VAV3: variants seen among roughly 807,000 people sequenced by gnomAD.
VAV3 encodes the protein guanine nucleotide exchange factor VAV3.
Under a neutral mutation model 131.2 loss-of-function variants are expected in VAV3, and 94 were observed. That is an observed-to-expected ratio of 0.72 (90% CI 0.61 to 0.85). The LOEUF is 0.85. Ranked by LOEUF, VAV3 falls within the 40% of genes least tolerant of loss-of-function variation. The pLI, the probability that VAV3 is intolerant of heterozygous loss-of-function variation, is 0.00. For missense variants in VAV3, 939 were observed against 1,002.7 expected, an observed-to-expected ratio of 0.94 and a Z score of 0.86; for synonymous variants, 349 against 342.0, an observed-to-expected ratio of 1.02 and a Z score of -0.22.
chr1:107,733,908 T>A (rs923727509), intron 15 of VAV3, among the ~76,000 whole-genome samples: 1 of 151,930 alleles, frequency 6.6e-6, no homozygotes, highest in Non-Finnish European at 1.5e-5. Context: ...AACACCAATG[T>A]CAGATTCACT....
chr1:107,696,765 T>C (rs1378350412), intron 17 of VAV3, among the ~76,000 whole-genome samples: 4 of 152,174 alleles, frequency 2.6e-5, no homozygotes, highest in Admixed American at 2.6e-4. Flanking sequence ...AAAGTCAAGT[T>C]CTGCTGAAAT....
chr1:107,631,901 A>G (rs1654521062), intron 20 of VAV3, among the ~76,000 whole-genome samples: 1 of 151,848 alleles, frequency 6.6e-6, no homozygotes, highest in African/African-American at 2.4e-5. Context: ...GGTTGGTTCC[A>G]AGTCTTTGCT....
intron 19 of VAV3, among the ~76,000 whole-genome samples, chr1:107,662,367 CTGCTCAG>C (rs1657083999): frequency 6.6e-6 from 1 of 152,128 alleles, no homozygotes; most frequent in South Asian, 2.1e-4. Context: ...AATTTTTACT[CTGCTCAG>C]TTTGGATTTT....
At chr1:107,581,161 C>A (rs1298120082) in intron 25 of VAV3, among the ~76,000 whole-genome samples, 1 of 152,156 alleles carries the variant, frequency 6.6e-6, no homozygotes, top group East Asian at 1.9e-4. Context: ...ATACTGCGAC[C>A]TTTTTCAATA....
At chr1:107,810,311 C>T (rs1419676545) in intron 2 of VAV3, among the ~76,000 whole-genome samples, 1 of 152,014 alleles carries the variant, frequency 6.6e-6, no homozygotes, top group Non-Finnish European at 1.5e-5. Flanking sequence ...CCACAGAAGA[C>T]CACAAGGCAA....
At chr1:107,623,323 C>T (rs1345588578) in intron 20 of VAV3, among the ~76,000 whole-genome samples, 2 of 152,158 alleles carry the variant, frequency 1.3e-5, no homozygotes, top group African/African-American at 4.8e-5. Flanking sequence ...ATGCTAAATA[C>T]TTGTTTTATT....
intron 22 of VAV3, among the ~76,000 whole-genome samples, chr1:107,603,772 GC>G (rs1652049606): frequency 6.6e-6 from 1 of 150,906 alleles, no homozygotes; most frequent in African/African-American, 2.4e-5. Flanking sequence ...ATACAGGCAA[GC>G]CCAAAGCAAT....
intron 1 of VAV3, among the ~76,000 whole-genome samples, chr1:107,929,283 G>C (rs1279441269): frequency 2.1e-5 from 1 of 47,798 alleles, no homozygotes; most frequent in African/African-American, 7.2e-5. Flanking sequence ...GTGACACTCT[G>C]TCTCAAAAAA....
chr1:107,856,810 G>A (rs779286285), intron 2 of VAV3, among the ~76,000 whole-genome samples: 9 of 151,956 alleles, frequency 5.9e-5, no homozygotes, highest in Non-Finnish European at 1.3e-4. Flanking sequence ...GCGGAGGCTG[G>A]AGGATCACTT....
chr1:107,690,153 T>G (rs1659327678), intron 17 of VAV3, among the ~76,000 whole-genome samples: 1 of 152,216 alleles, frequency 6.6e-6, no homozygotes, highest in African/African-American at 2.4e-5. Flanking sequence ...AATAATTATT[T>G]TTTTCTGATT....
intron 15 of VAV3, among the ~76,000 whole-genome samples, chr1:107,719,041 T>C (rs1038617839): frequency 6.6e-6 from 1 of 152,216 alleles, no homozygotes; most frequent in African/African-American, 2.4e-5. Flanking sequence ...CCTTACACCT[T>C]ATACAAACAT....
intron 20 of VAV3, among the ~76,000 whole-genome samples, chr1:107,640,161 T>C (rs981910773): frequency 3.9e-5 from 6 of 152,206 alleles, no homozygotes; most frequent in African/African-American, 1.4e-4. Flanking sequence ...CAAAGAATTA[T>C]ATTTGAATGT....
chr1:107,941,348 G>C (rs1319179029), intron 1 of VAV3, among the ~76,000 whole-genome samples: 1 of 151,910 alleles, frequency 6.6e-6, no homozygotes. Flanking sequence ...TTTAGTCTTG[G>C]GCAACAGCAT....
chr1:107,849,475 G>C (rs1286288514), intron 2 of VAV3, among the ~76,000 whole-genome samples: 1 of 152,038 alleles, frequency 6.6e-6, no homozygotes, highest in African/African-American at 2.4e-5. Context: ...AAAAACAATG[G>C]GGAAAGGATT....
At chr1:107,614,892 A>C (rs1653029987) in intron 21 of VAV3, among the ~76,000 whole-genome samples, 1 of 152,138 alleles carries the variant, frequency 6.6e-6, no homozygotes, top group Non-Finnish European at 1.5e-5. Flanking sequence ...AATATTCTTG[A>C]TTTGATGTCT....
intron 15 of VAV3, among the ~76,000 whole-genome samples, chr1:107,728,041 G>A (rs1370668467): frequency 6.6e-6 from 1 of 152,102 alleles, no homozygotes; most frequent in African/African-American, 2.4e-5. Context: ...CAGGAGTCAG[G>A]AGTGGCCTGC....
intron 1 of VAV3, among the ~76,000 whole-genome samples, chr1:107,883,153 C>T (rs1670862314): frequency 6.6e-6 from 1 of 152,028 alleles, no homozygotes; most frequent in South Asian, 2.1e-4. Flanking sequence ...TCACAGTATT[C>T]AATGATAATG....
chr1:107,698,515 G>A (rs961911775), intron 17 of VAV3, among the ~76,000 whole-genome samples: 4 of 152,190 alleles, frequency 2.6e-5, no homozygotes, highest in Non-Finnish European at 5.9e-5. Context: ...TTTGACTTAC[G>A]ATAGTTTCCA....
intron 19 of VAV3, among the ~76,000 whole-genome samples, chr1:107,648,026 T>C (rs1655867539): frequency 6.6e-6 from 1 of 151,992 alleles, no homozygotes; most frequent in Admixed American, 6.6e-5. Context: ...CATAGAATTT[T>C]GGTGGAAAAA....
Sources: allele counts gnomAD v4.1 joint callset (sites outside exome capture counted in the v4.1 genomes callset), GRCh38; gene constraint gnomAD v4.1.1; transcripts MANE v1.5; gene names NCBI Gene and HGNC (gene_info 2026-07-23, HGNC 2026-07-21).